Variants in PPP2R2B observed in about 807,000 individuals in gnomAD.
PPP2R2B encodes the protein serine/threonine-protein phosphatase 2A 55 kDa regulatory subunit B beta isoform.
In PPP2R2B, 5 loss-of-function variants were observed where a neutral mutation model predicts 46.0. The observed-to-expected ratio is 0.11, with a 90% confidence interval of 0.06 to 0.23. The LOEUF (loss-of-function observed/expected upper bound fraction) is 0.23, where lower values mean the gene tolerates loss of function less well. Among genes scored for constraint, PPP2R2B ranks in the 10% least tolerant of loss-of-function variants. The pLI, the probability that PPP2R2B is intolerant of heterozygous loss-of-function variation, is 1.00. For missense variants in PPP2R2B, 367 were observed against 575.0 expected, an observed-to-expected ratio of 0.64 and a Z score of 3.70; for synonymous variants, 215 against 206.7, an observed-to-expected ratio of 1.04 and a Z score of -0.34.
intron 1 of PPP2R2B, among the ~76,000 whole-genome samples, chr5:146,978,670 A>C (rs1347352737): frequency 6.6e-6 from 1 of 152,168 alleles, no homozygotes; most frequent in Non-Finnish European, 1.5e-5. Context: ...GTCAAAAATC[A>C]CATGGTTGTA....
At position 146,804,022 on chromosome 5, in the gene PPP2R2B, A is replaced by C. The variant is rs563173262; in HGVS notation, c.70+73980T>G. The stretch of plus-strand genomic sequence containing the variant: ...CTCTACTAGAAATAAAAAAAATTAG[A>C]CGGGCGTGGTGGCCAGTGCCTGTAG... On this transcript the variant is annotated intron_variant, in intron 2 of 9. Transcript: ENST00000394411. 1.1e-4 allele frequency among the ~76,000 whole-genome samples: 16 copies of C among 151,614 alleles called. No individual in the cohort carries two copies. In the South Asian group the frequency reaches 3.1e-3, roughly 30 times the overall value.
chr5:147,053,545 A>AACACACAC (rs5872002), intron 1 of PPP2R2B, among the ~76,000 whole-genome samples: 27,131 of 148,456 alleles, frequency 0.18, 2,713 homozygotes, highest in South Asian at 0.29. Context: ...CAACAATATA[A>AACACACAC]ACACACACAC....
At chr5:146,660,015 G>T (rs907295501) in intron 5 of PPP2R2B, among the ~76,000 whole-genome samples, 10 of 152,186 alleles carry the variant, frequency 6.6e-5, no homozygotes, top group African/African-American at 2.4e-4. Flanking sequence ...TTGGTCATTG[G>T]ATAGAGATTA....
rs572034196 is a variant in PPP2R2B, at chr5:146,657,083, C to A, written c.448-6359G>T. ...GACACCTAAGTGGGGGTTGGCGGGT[C>A]ACAGTGCCTTGCTTCAGAGACATGC... On this transcript the variant is annotated intron_variant, in intron 5 of 9. Transcript: ENST00000394411. Among the ~76,000 whole-genome samples the A allele has an allele frequency of 1.2e-3, 178 of 152,340 alleles. 5 individuals carry two copies. The highest frequency in any genetic ancestry group is 0.012 in the Admixed American group (177 of 15,298).
intron 1 of PPP2R2B, among the ~76,000 whole-genome samples, chr5:146,915,307 C>T (rs1286534218): frequency 2.0e-5 from 3 of 152,086 alleles, no homozygotes; most frequent in Admixed American, 1.3e-4. Context: ...CACTTGGATT[C>T]GGAGAAAAAT....
At chr5:146,855,508 CCTG>C (rs1760604335) in intron 2 of PPP2R2B, among the ~76,000 whole-genome samples, 1 of 152,050 alleles carries the variant, frequency 6.6e-6, no homozygotes, top group Non-Finnish European at 1.5e-5. Flanking sequence ...TACACACATA[CCTG>C]CTTTTTGTTT....
chr5:146,803,527 GA>G (rs1274080403), intron 2 of PPP2R2B, among the ~76,000 whole-genome samples: 6 of 152,054 alleles, frequency 3.9e-5, no homozygotes, highest in African/African-American at 7.2e-5. Flanking sequence ...GGTATCAGGA[GA>G]AAAAAACACA....
chr5:146,846,633 T>A (rs7700592), intron 2 of PPP2R2B, among the ~76,000 whole-genome samples: 57,700 of 151,662 alleles, frequency 0.38, 13,787 homozygotes, highest in African/African-American at 0.66. Context: ...AGCCTAGATC[T>A]TGCCACTGCA....
chr5:146,804,483 C>T (rs1003161421), intron 2 of PPP2R2B, among the ~76,000 whole-genome samples: 3 of 152,060 alleles, frequency 2.0e-5, no homozygotes, highest in African/African-American at 7.2e-5. Context: ...CTGCTCTGAT[C>T]CATTGCCTTT....
chr5:146,659,879 T>G (rs1437959264), intron 5 of PPP2R2B, among the ~76,000 whole-genome samples: 1 of 152,224 alleles, frequency 6.6e-6, no homozygotes, highest in African/African-American at 2.4e-5. Context: ...GAAAGATTGC[T>G]TGGGGAAGAT....
intron 2 of PPP2R2B, among the ~76,000 whole-genome samples, chr5:146,760,761 C>A (rs974085792): frequency 1.3e-5 from 2 of 152,024 alleles, no homozygotes; most frequent in Non-Finnish European, 2.9e-5. Flanking sequence ...CTCTCACCCA[C>A]CCTTGACTCG....
intron 5 of PPP2R2B, among the ~76,000 whole-genome samples, chr5:146,652,179 C>T (rs1388666258): frequency 2.6e-5 from 4 of 152,210 alleles, no homozygotes; most frequent in African/African-American, 7.2e-5. Context: ...AGATTCACCA[C>T]TAACCAATAG....
intron 1 of PPP2R2B, among the ~76,000 whole-genome samples, chr5:146,906,015 T>A (rs957892191): frequency 1.6e-4 from 25 of 152,162 alleles, no homozygotes; most frequent in Non-Finnish European, 2.9e-4. Context: ...GGAAAGCTTG[T>A]AAGCAGGATT....
intron 1 of PPP2R2B, among the ~76,000 whole-genome samples, chr5:147,019,221 G>T (rs1322057299): frequency 6.6e-6 from 1 of 152,068 alleles, no homozygotes; most frequent in Non-Finnish European, 1.5e-5. Context: ...GGAACAGATT[G>T]ACCATAAATA....
upstream of PPP2R2B, among the ~76,000 whole-genome samples, chr5:146,880,185 G>A (rs931941711): frequency 4.7e-4 from 59 of 125,638 alleles, no homozygotes; most frequent in African/African-American, 1.9e-3. Flanking sequence ...TATTTTGTGT[G>A]TGTGTGTGTG....
intron 1 of PPP2R2B, among the ~76,000 whole-genome samples, chr5:147,037,350 A>C (rs1756089370): frequency 6.6e-6 from 1 of 151,728 alleles, no homozygotes; most frequent in African/African-American, 2.4e-5. Flanking sequence ...ATTGTTAGGC[A>C]AAAAAAAGTA....
intron 2 of PPP2R2B, among the ~76,000 whole-genome samples, chr5:146,711,427 A>T (rs145845142): frequency 6.6e-6 from 1 of 152,362 alleles, no homozygotes; most frequent in African/African-American, 2.4e-5. Flanking sequence ...GAAGCAAGAA[A>T]AAGTTCTCAT....
At chr5:146,953,300 T>A (rs1751713720) in intron 1 of PPP2R2B, among the ~76,000 whole-genome samples, 1 of 152,180 alleles carries the variant, frequency 6.6e-6, no homozygotes, top group African/African-American at 2.4e-5. Flanking sequence ...CATATTTATA[T>A]TTGCAATTTA....
In PPP2R2B at chr5:146,806,156, C is replaced by A. The variant is rs923461023; in HGVS notation, c.70+71846G>T. ...AGCTAGGGAGACAGTGTGTGTGATG[C>A]GCACATACACACATGTGCACAAGCA... On this transcript the variant is annotated intron_variant, in intron 2 of 9. Coordinates refer to ENST00000394411, the MANE Select transcript of PPP2R2B (RefSeq NM_181675.4). Among the ~76,000 whole-genome samples the A allele has an allele frequency of 5.9e-5, 9 of 152,212 alleles. 1 individual carries two copies. In the East Asian group the frequency reaches 1.7e-3, roughly 30 times the overall value.
Sources: allele counts gnomAD v4.1 joint callset (sites outside exome capture counted in the v4.1 genomes callset), GRCh38; gene constraint gnomAD v4.1.1; transcripts MANE v1.5; gene names NCBI Gene and HGNC (gene_info 2026-07-23, HGNC 2026-07-21).